ACSL1: variants seen among roughly 807,000 people sequenced by gnomAD.
ACSL1 encodes the protein acyl-CoA synthetase long chain family member 1, also known as long-chain-fatty-acid--CoA ligase 1.
A neutral mutation model predicts 98.4 loss-of-function variants in ACSL1; 41 were observed. That is an observed-to-expected ratio of 0.42 (90% CI 0.32 to 0.54). The LOEUF is 0.54. Among genes scored for constraint, ACSL1 ranks in the 20% least tolerant of loss-of-function variants. The pLI is 0.13. For synonymous variants in ACSL1, 316 were observed against 322.7 expected (o/e 0.98, Z 0.22); for missense variants, 734 against 883.1 (o/e 0.83, Z 2.14).
In ACSL1 at chr4:184,771,314, C is replaced by T. The variant is rs527286627; in HGVS notation, c.916-838G>A. Among the ~76,000 whole-genome samples, 5 of 152,036 alleles carry T rather than the reference C, an allele frequency of 3.3e-5. No individual in the cohort carries two copies. The South Asian group carries it at 1.0e-3, about 32-fold the overall frequency. ...CTAGTACCCAGCAAGTTCAATTTTA[C>T]CTTAAGAAATACAGGACCCATTTCA... On this transcript the variant is annotated intron_variant, in intron 10 of 20. Transcript: ENST00000281455.
intron 1 of ACSL1, among the ~76,000 whole-genome samples, chr4:184,817,373 C>T (rs1186637089): frequency 6.6e-6 from 1 of 152,138 alleles, no homozygotes; most frequent in African/African-American, 2.4e-5. Context: ...CATTAGAAAA[C>T]ACACAAATAT....
intron 2 of ACSL1, among the ~76,000 whole-genome samples, chr4:184,801,153 C>T (rs1770447258): frequency 1.3e-5 from 2 of 151,480 alleles, no homozygotes; most frequent in Admixed American, 1.3e-4. Flanking sequence ...CTGCACCCAG[C>T]TCTACAATCC....
chr4:184,787,740 T>TTTAC (rs1168396295), intron 3 of ACSL1, among the ~76,000 whole-genome samples: 1 of 152,088 alleles, frequency 6.6e-6, no homozygotes, highest in African/African-American at 2.4e-5. Flanking sequence ...GGTGCATGCC[T>TTTAC]GTAATCCCAG....
intron 11 of ACSL1, 47 bp from the exon 12 acceptor site, chr4:184,768,497 G>A (rs773044843): frequency 1.9e-6 from 3 of 1,577,796 alleles, no homozygotes; most frequent in East Asian, 4.7e-5. Flanking sequence ...CACAGCAGGG[G>A]TTACACAACA....
chr4:184,776,462 G>A, intron 7 of ACSL1, 22 bp downstream of exon 7: 2 of 1,602,894 alleles, frequency 1.2e-6, no homozygotes, highest in African/African-American at 1.3e-5. Context: ...CTTCAGAGAA[G>A]GGAAGGAGGC....
chr4:184,792,316 T>C (rs1433118022), intron 2 of ACSL1, among the ~76,000 whole-genome samples: 1 of 152,206 alleles, frequency 6.6e-6, no homozygotes, highest in Non-Finnish European at 1.5e-5. Flanking sequence ...TGTCACTCAG[T>C]TGTCAGACAT....
rs896691001 is a variant in ACSL1, at chr4:184,773,829, C to T, written c.789+14G>A. ...ACAAAGAGGACAGAGCAGGGTCTGACACGGTGTGCTTACCTTGGGCTTCCG... is the reference window on the plus strand; with the variant it reads ...ACAAAGAGGACAGAGCAGGGTCTGATACGGTGTGCTTACCTTGGGCTTCCG... On this transcript the variant is annotated intron_variant, in intron 8 of 20. Transcript: ENST00000281455. The surrounding 1 kb of genome is among the most constrained non-coding windows in gnomAD (Gnocchi z 4.3). 3 of 1,613,746 alleles carry T rather than the reference C, an allele frequency of 1.9e-6. No homozygotes were observed. The African/African-American group carries it at 4.0e-5, about 22-fold the overall frequency.
At chr4:184,784,373 C>T (rs192392866) in intron 3 of ACSL1, among the ~76,000 whole-genome samples, 46 of 152,222 alleles carry the variant, frequency 3.0e-4, no homozygotes, top group African/African-American at 8.4e-4. Context: ...AGGTATTCAT[C>T]AAAACTTTTC....
rs1762178088 is a variant in ACSL1 at position 184,756,875 on chromosome 4, C to T, written c.*250G>A. On this transcript the variant is annotated 3_prime_UTR_variant, in exon 21 of 21. Transcript: ENST00000281455. ...AAATAACTTAGCACATTTATAGTAT[C>T]CCCTTTACAATTTTTAAGGCTCATT... is the stretch of plus-strand genomic sequence containing the variant. The T allele has an allele frequency of 2.8e-6, 1 of 363,588 alleles. No homozygotes were observed. Among genetic ancestry groups the T allele is most frequent in the East Asian group, 4.3e-5 (1 of 23,132 alleles). 22.5% of individuals were successfully genotyped at this position (363,588 alleles called of 1,614,324 possible).
At chr4:184,786,428 A>G (rs867613473) in intron 3 of ACSL1, among the ~76,000 whole-genome samples, 12,197 of 123,848 alleles carry the variant, frequency 0.098, 558 homozygotes, top group Middle Eastern at 0.14. Context: ...GCACACACAC[A>G]CACACACACA....
At chr4:184,807,802 G>A (rs371489513) in intron 1 of ACSL1, among the ~76,000 whole-genome samples, 21 of 152,328 alleles carry the variant, frequency 1.4e-4, no homozygotes, top group African/African-American at 4.6e-4. Flanking sequence ...CAAGGCCAGA[G>A]ACTTATAAGC....
intron 3 of ACSL1, among the ~76,000 whole-genome samples, chr4:184,786,067 T>A (rs775642188): frequency 6.6e-6 from 1 of 152,168 alleles, no homozygotes; most frequent in Non-Finnish European, 1.5e-5. Context: ...GAGGGTGTCC[T>A]GGCCAGGGCA....
chr4:184,765,422 A>G (rs549006303), intron 14 of ACSL1, among the ~76,000 whole-genome samples: 5 of 152,312 alleles, frequency 3.3e-5, no homozygotes, highest in Admixed American at 2.6e-4. Context: ...AAAAATATAC[A>G]TATGGTTGCT....
intron 5 of ACSL1, among the ~76,000 whole-genome samples, chr4:184,778,400 C>T (rs918302168): frequency 6.6e-6 from 1 of 152,180 alleles, no homozygotes; most frequent in Non-Finnish European, 1.5e-5. Context: ...TCCTTAGGCA[C>T]ATGTGACGCA....
chr4:184,773,763 G>C lies in ACSL1; in HGVS notation c.790-49C>G. 6.2e-7 allele frequency: 1 copy of C among 1,605,932 alleles called. No individual in the cohort carries two copies. ...CTGGTATAAATCAGAACAGAAAAGA[G>C]AACTATAAGCCACAAGGTACCAGGC... On this transcript the variant is annotated intron_variant, in intron 8 of 20. Transcript: ENST00000281455. This position sits in a 1 kb window ranked among gnomAD's most constrained non-coding sequence, Gnocchi z 4.3.
intron 11 of ACSL1, among the ~76,000 whole-genome samples, chr4:184,768,836 G>A (rs533826050): frequency 3.9e-5 from 6 of 152,214 alleles, no homozygotes; most frequent in Admixed American, 1.3e-4. Context: ...TTGGGAGGCC[G>A]AGGCAGGTGG....
chr4:184,772,962 T>G, intron 10 of ACSL1, 119 bp downstream of exon 10: 1 of 888,554 alleles, frequency 1.1e-6, no homozygotes, highest in South Asian at 1.7e-5. Flanking sequence ...CTTACCCATA[T>G]GTCACATCGT....
chr4:184,781,372 T>C (rs1766248646), intron 4 of ACSL1, among the ~76,000 whole-genome samples: 1 of 151,870 alleles, frequency 6.6e-6, no homozygotes, highest in African/African-American at 2.4e-5. Context: ...AAGAAAATGC[T>C]ACATAGTAAA....
chr4:184,801,937 A>G (rs1770594011), intron 2 of ACSL1, among the ~76,000 whole-genome samples: 1 of 152,266 alleles, frequency 6.6e-6, no homozygotes, highest in South Asian at 2.1e-4. Context: ...TAAGTTATAC[A>G]TGTCTTAACA....
Sources: allele counts gnomAD v4.1 joint callset (sites outside exome capture counted in the v4.1 genomes callset), GRCh38; gene constraint gnomAD v4.1.1; non-coding constraint Gnocchi (gnomAD v3.1); transcripts MANE v1.5; gene names NCBI Gene and HGNC (gene_info 2026-07-23, HGNC 2026-07-21).